Variants in CACNA1E observed in about 807,000 individuals in gnomAD.
CACNA1E encodes the protein voltage-dependent R-type calcium channel subunit alpha-1E.
Under a neutral mutation model 259.2 loss-of-function variants are expected in CACNA1E, and 40 were observed. That is an observed-to-expected ratio of 0.15 (90% CI 0.12 to 0.20). The LOEUF (loss-of-function observed/expected upper bound fraction) is 0.20, where lower values mean the gene tolerates loss of function less well. Among genes scored for constraint, CACNA1E ranks in the 10% least tolerant of loss-of-function variants. The pLI, the probability that CACNA1E is intolerant of heterozygous loss-of-function variation, is 1.00. For synonymous variants in CACNA1E, 1,104 were observed against 1,138.5 expected (o/e 0.97, Z 0.61); for missense variants, 1,874 against 3,040.1 (o/e 0.62, Z 9.02).
At chr1:181,589,006 A>G (rs1357317565) in intron 6 of CACNA1E, among the ~76,000 whole-genome samples, 1 of 152,234 alleles carries the variant, frequency 6.6e-6, no homozygotes, top group African/African-American at 2.4e-5. Context: ...TCAATTCATT[A>G]TTCACTCGAA....
chr1:181,380,482 A>T (rs1343035301), intron 1 of CACNA1E, among the ~76,000 whole-genome samples: 3 of 152,230 alleles, frequency 2.0e-5, no homozygotes. Flanking sequence ...ATATAATAAG[A>T]AAAGAAAACT....
intron 3 of CACNA1E, among the ~76,000 whole-genome samples, chr1:181,535,408 T>A (rs201668824): frequency 0.045 from 2 of 44 alleles, no homozygotes; most frequent in Non-Finnish European, 0.1. Flanking sequence ...TTCTGACTTT[T>A]AAAAATTCAC....
chr1:181,482,556 C>T (rs1267211728), upstream of CACNA1E, among the ~76,000 whole-genome samples: 1 of 152,252 alleles, frequency 6.6e-6, no homozygotes, highest in Admixed American at 6.5e-5. Context: ...GCTGCGTCCC[C>T]GCCCCTCCCG....
At chr1:181,344,467 G>A (rs1167216268) in intron 1 of CACNA1E, among the ~76,000 whole-genome samples, 1 of 152,216 alleles carries the variant, frequency 6.6e-6, no homozygotes, top group East Asian at 1.9e-4. Flanking sequence ...GATGGCAGAT[G>A]CTTTCCTGCC....
At chr1:181,492,383 T>C (rs1418865299) in intron 1 of CACNA1E, among the ~76,000 whole-genome samples, 1 of 152,250 alleles carries the variant, frequency 6.6e-6, no homozygotes, top group Non-Finnish European at 1.5e-5. Context: ...TATAAGTAGC[T>C]CATTACCACT....
intron 6 of CACNA1E, among the ~76,000 whole-genome samples, chr1:181,637,208 A>G (rs1389026059): frequency 6.6e-6 from 1 of 152,216 alleles, no homozygotes; most frequent in Non-Finnish European, 1.5e-5. Context: ...CATCAGAGAT[A>G]AGAGTGATAG....
chr1:181,458,196 C>T (rs1210780573), intron 2 of CACNA1E, among the ~76,000 whole-genome samples: 3 of 152,224 alleles, frequency 2.0e-5, no homozygotes, highest in Non-Finnish European at 4.4e-5. Flanking sequence ...GGCTAGGGGT[C>T]GTCTCCAGTT....
intron 6 of CACNA1E, among the ~76,000 whole-genome samples, chr1:181,594,640 C>T (rs58128556): frequency 0.019 from 2,877 of 152,290 alleles, 92 homozygotes; most frequent in African/African-American, 0.061. Flanking sequence ...GCAAGTGATC[C>T]ACCTGCCATG....
Position 181,564,004 on chromosome 1 carries a change from A to T in CACNA1E, c.513-13762A>T, listed in dbSNP as rs149492073. ...AATACTTTATTGCTAAGAAATGCTC[A>T]TGATTATCTAAGCATTCAGTGAGTT... is the stretch of plus-strand genomic sequence containing the variant. On this transcript the variant is annotated intron_variant, in intron 3 of 47. Coordinates refer to ENST00000367573, the MANE Select transcript of CACNA1E (RefSeq NM_001205293.3). Among the ~76,000 whole-genome samples, 376 of 152,350 alleles carry T rather than the reference A, an allele frequency of 2.5e-3. 3 individuals carry two copies. The highest frequency in any genetic ancestry group is 8.8e-3 in the African/African-American group (365 of 41,592).
At chr1:181,424,446 G>A (rs534881559) in intron 2 of CACNA1E, among the ~76,000 whole-genome samples, 3 of 152,364 alleles carry the variant, frequency 2.0e-5, no homozygotes, top group African/African-American at 2.4e-5. Flanking sequence ...CGCAGTTCTA[G>A]AAATGCTTCC....
chr1:181,418,555 C>T (rs960023439), intron 2 of CACNA1E, among the ~76,000 whole-genome samples: 5 of 152,210 alleles, frequency 3.3e-5, no homozygotes, highest in Admixed American at 2.0e-4. Flanking sequence ...ATACCACCCA[C>T]TTATTCACCA....
At chr1:181,360,418 G>T (rs1424195044) in intron 1 of CACNA1E, among the ~76,000 whole-genome samples, 1 of 152,182 alleles carries the variant, frequency 6.6e-6, no homozygotes, top group Admixed American at 6.5e-5. Flanking sequence ...CCATAAAAAG[G>T]AAGGGAGTAC....
At chr1:181,749,050 C>T (rs988072829) in intron 25 of CACNA1E, among the ~76,000 whole-genome samples, 3 of 152,068 alleles carry the variant, frequency 2.0e-5, no homozygotes, top group African/African-American at 7.2e-5. Context: ...GGGTCTAATT[C>T]CCAAGTCATG....
intron 2 of CACNA1E, among the ~76,000 whole-genome samples, chr1:181,437,987 T>A (rs1336575512): frequency 6.6e-6 from 1 of 152,216 alleles, no homozygotes; most frequent in Non-Finnish European, 1.5e-5. Context: ...CAAGGAACTT[T>A]TGACTTATGC....
At chr1:181,683,773 CT>C (rs1650231488) in intron 7 of CACNA1E, among the ~76,000 whole-genome samples, 1 of 152,162 alleles carries the variant, frequency 6.6e-6, no homozygotes, top group African/African-American at 2.4e-5. Flanking sequence ...TGATTTCATT[CT>C]TTTTTGTGTC....
At chr1:181,510,376 A>G in intron 1 of CACNA1E, 101 bp from the exon 2 acceptor site, 3 of 764,374 alleles carry the variant, frequency 3.9e-6, no homozygotes, top group Non-Finnish European at 7.0e-6. Context: ...CAAACTGCAC[A>G]GACACAATGC....
intron 3 of CACNA1E, among the ~76,000 whole-genome samples, chr1:181,550,816 A>C (rs1416004280): frequency 2.6e-5 from 4 of 152,052 alleles, no homozygotes; most frequent in African/African-American, 7.2e-5. Flanking sequence ...GATAGCAGGG[A>C]AACAGTCATC....
At chr1:181,574,339 G>A (rs1650729687) in intron 3 of CACNA1E, among the ~76,000 whole-genome samples, 1 of 152,168 alleles carries the variant, frequency 6.6e-6, no homozygotes, top group African/African-American at 2.4e-5. Flanking sequence ...CTAAATGCTT[G>A]AGTATAGATT....
chr1:181,482,655 C>G (rs1435119932), upstream of CACNA1E, among the ~76,000 whole-genome samples: 1 of 152,274 alleles, frequency 6.6e-6, no homozygotes, highest in Non-Finnish European at 1.5e-5. Context: ...GCCTCGCCTC[C>G]CCATTCTCCT....
Sources: gnomAD v4.1 joint callset for allele counts (sites outside exome capture counted in the v4.1 genomes callset) on GRCh38, gnomAD v4.1.1 for gene constraint, MANE v1.5 for transcripts, NCBI Gene and HGNC (gene_info 2026-07-23, HGNC 2026-07-21) for gene names.